HDAC8: variants seen among roughly 807,000 people sequenced by gnomAD.
HDAC8 encodes histone deacetylase-like 1.
A neutral mutation model predicts 32.2 loss-of-function variants in HDAC8; 1 was observed. The ratio of observed to expected loss-of-function variants is 0.03; its 90% CI spans 0.01 to 0.15. The LOEUF (loss-of-function observed/expected upper bound fraction) is 0.15, where lower values mean the gene tolerates loss of function less well. Among genes scored for constraint, HDAC8 ranks in the 10% least tolerant of loss-of-function variants. HDAC8 has a pLI of 1.00. For synonymous variants in HDAC8, 108 were observed against 113.9 expected (o/e 0.95, Z 0.33); for missense variants, 117 against 300.0 (o/e 0.39, Z 4.51).
At chrX:72,564,879 C>T (rs2051721668) in intron 4 of HDAC8, among the ~76,000 whole-genome samples, 1 of 111,746 alleles carries the variant, frequency 8.9e-6, no homozygotes. Flanking sequence ...GAAAATCATC[C>T]TTTTTTAGCT....
rs781798991 is a variant in HDAC8, at chrX:72,344,970, C to T, written c.1111+6763G>A. Among the ~76,000 whole-genome samples, 5 of 111,810 alleles carry T rather than the reference C, an allele frequency of 4.5e-5. No homozygotes were observed. The East Asian group carries it at 8.4e-4, about 19-fold the overall frequency. On this transcript the variant is annotated intron_variant, in intron 10 of 10. Coordinates refer to ENST00000373573, the MANE Select transcript of HDAC8 (RefSeq NM_018486.3). ...GATATGAACTAGTCAGCCTGAAATT[C>T]AAGGGAGCCTGCAATCGGCCCCCCA...
At chrX:72,559,242 G>T (rs1464666981) in intron 4 of HDAC8, among the ~76,000 whole-genome samples, 2 of 107,198 alleles carry the variant, frequency 1.9e-5, no homozygotes, top group South Asian at 8.6e-4. Flanking sequence ...ACTGGTTTTC[G>T]TACTTTTTTG....
chrX:72,555,275 T>G (rs1042542976), intron 4 of HDAC8, among the ~76,000 whole-genome samples: 1 of 111,994 alleles, frequency 8.9e-6, no homozygotes, highest in East Asian at 2.8e-4. Flanking sequence ...AGATCTTCCC[T>G]CAGATACAGT....
chrX:72,472,333 C>T (rs1332050806), intron 7 of HDAC8, among the ~76,000 whole-genome samples: 1 of 111,588 alleles, frequency 9.0e-6, no homozygotes, highest in Non-Finnish European at 1.9e-5. Context: ...TCCCAAAGTG[C>T]TGGGATTACA....
At chrX:72,464,520 G>A (rs2148045704) in intron 8 of HDAC8, 39 bp downstream of exon 8, 2 of 1,121,253 alleles carry the variant, frequency 1.8e-6, no homozygotes, top group East Asian at 6.0e-5. Flanking sequence ...AAATGTGGAG[G>A]AAGGTCAACA....
At chrX:72,445,608 A>C (rs2047363795) in intron 9 of HDAC8, among the ~76,000 whole-genome samples, 1 of 112,271 alleles carries the variant, frequency 8.9e-6, no homozygotes, top group Non-Finnish European at 1.9e-5. Context: ...ATTACCATTC[A>C]GGACATAGGC....
At chrX:72,462,907 C>T (rs1306180514) in intron 8 of HDAC8, among the ~76,000 whole-genome samples, 3 of 111,517 alleles carry the variant, frequency 2.7e-5, no homozygotes, top group Non-Finnish European at 5.7e-5. Context: ...GATAGGGTGA[C>T]CATATAAATT....
At chrX:72,388,554 A>G (rs1217302471) in intron 9 of HDAC8, among the ~76,000 whole-genome samples, 1 of 105,730 alleles carries the variant, frequency 9.5e-6, no homozygotes, top group Non-Finnish European at 1.9e-5. Context: ...TTCTCTTGGT[A>G]TCTCTCTGTA....
At chrX:72,540,686 A>G (rs1315973795) in intron 4 of HDAC8, among the ~76,000 whole-genome samples, 3 of 111,765 alleles carry the variant, frequency 2.7e-5, no homozygotes, top group Admixed American at 1.9e-4. Context: ...TGATAATTTG[A>G]TATCTGTCAA....
chrX:72,410,475 A>T (rs1426767083), intron 9 of HDAC8, among the ~76,000 whole-genome samples: 6 of 111,596 alleles, frequency 5.4e-5, no homozygotes, highest in Non-Finnish European at 1.1e-4. Context: ...GATTATGAAA[A>T]GTAGAGTAGG....
chrX:72,536,724 T>C (rs1431658824), intron 4 of HDAC8, among the ~76,000 whole-genome samples: 2 of 112,073 alleles, frequency 1.8e-5, no homozygotes, highest in Non-Finnish European at 3.8e-5. Flanking sequence ...AACAGTGAGA[T>C]CAGTTTGTCT....
intron 4 of HDAC8, among the ~76,000 whole-genome samples, chrX:72,514,959 A>G (rs940548139): frequency 8.9e-6 from 1 of 111,904 alleles, no homozygotes; most frequent in Non-Finnish European, 1.9e-5. Context: ...AGGGTATACA[A>G]TATGATGATT....
chrX:72,487,284 T>A (rs1335406193), intron 7 of HDAC8, among the ~76,000 whole-genome samples: 1 of 111,860 alleles, frequency 8.9e-6, no homozygotes, highest in African/African-American at 3.3e-5. Flanking sequence ...TACCATGGGA[T>A]TTAAAATATT....
chrX:72,502,661 G>A (rs1355031017), intron 4 of HDAC8, among the ~76,000 whole-genome samples: 1 of 111,280 alleles, frequency 9.0e-6, no homozygotes, highest in African/African-American at 3.3e-5. Flanking sequence ...GGTGGCTCAT[G>A]CCTGTAATCC....
chrX:72,563,977 C>T (rs1299485161), intron 4 of HDAC8, among the ~76,000 whole-genome samples: 4 of 111,022 alleles, frequency 3.6e-5, no homozygotes, highest in African/African-American at 1.3e-4. Context: ...CTGACCAACA[C>T]GGTGAAACCC....
chrX:72,425,090 A>G (rs1420876390), intron 9 of HDAC8, among the ~76,000 whole-genome samples: 1 of 111,912 alleles, frequency 8.9e-6, no homozygotes, highest in Non-Finnish European at 1.9e-5. Context: ...GTGGGATCAT[A>G]TGGTAATTCT....
intron 4 of HDAC8, among the ~76,000 whole-genome samples, chrX:72,560,565 T>TAAAAAAAAAAA (rs147846647): frequency 1.6e-3 from 58 of 35,153 alleles, no homozygotes; most frequent in Admixed American, 2.7e-3. Flanking sequence ...CAATAAATAC[T>TAAAAAAAAAAA]AAAAAAAAAA....
At chrX:72,375,070 T>C (rs2147806752) in intron 9 of HDAC8, among the ~76,000 whole-genome samples, 1 of 111,929 alleles carries the variant, frequency 8.9e-6, no homozygotes, top group East Asian at 2.8e-4. Flanking sequence ...GTGATCCTCC[T>C]GCCTTGGCCT....
At chrX:72,486,568 T>G (rs943339907) in intron 7 of HDAC8, among the ~76,000 whole-genome samples, 3 of 111,547 alleles carry the variant, frequency 2.7e-5, no homozygotes, top group Non-Finnish European at 5.7e-5. Flanking sequence ...CCCCAGCTAC[T>G]TGGGAAGCTG....
Sources: gnomAD v4.1 joint callset for allele counts (sites outside exome capture counted in the v4.1 genomes callset) on GRCh38, gnomAD v4.1.1 for gene constraint, MANE v1.5 for transcripts, NCBI Gene and HGNC (gene_info 2026-07-23, HGNC 2026-07-21) for gene names.